Variants in FSTL4 observed in about 807,000 individuals in gnomAD.
FSTL4 encodes follistatin like 4, also known as follistatin-related protein 4.
Under a neutral mutation model 78.2 loss-of-function variants are expected in FSTL4, and 28 were observed. The observed-to-expected ratio is 0.36, with a 90% CI of 0.27 to 0.49. The LOEUF (loss-of-function observed/expected upper bound fraction) is 0.49. Among genes scored for constraint, FSTL4 ranks in the 20% least tolerant of loss-of-function variants. FSTL4 has a pLI of 0.98. For synonymous variants in FSTL4, 422 were observed against 440.5 expected (o/e 0.96, Z 0.53); for missense variants, 922 against 1,084.9 (o/e 0.85, Z 2.11).
At chr5:133,448,199 C>G (rs983135882) in intron 3 of FSTL4, among the ~76,000 whole-genome samples, 1 of 152,234 alleles carries the variant, frequency 6.6e-6, no homozygotes, top group Non-Finnish European at 1.5e-5. Flanking sequence ...TATGCTGCTT[C>G]CCTCCCCAGG....
At chr5:133,669,961 T>G in the FSTL4 span, among the ~76,000 whole-genome samples, 2 of 152,182 alleles carry the variant, frequency 1.3e-5, no homozygotes, top group African/African-American at 4.8e-5. Context: ...GGTCACTAGA[T>G]GCATGAGATG....
At chr5:133,615,088 G>A (rs548277693), upstream of FSTL4, among the ~76,000 whole-genome samples, 7 of 152,174 alleles carry the variant, frequency 4.6e-5, no homozygotes, top group Non-Finnish European at 8.8e-5. Flanking sequence ...ATGACACATA[G>A]CCATGGGAAT....
chr5:133,704,410 A>G, the FSTL4 span, among the ~76,000 whole-genome samples: 3 of 152,206 alleles, frequency 2.0e-5, no homozygotes, highest in African/African-American at 7.2e-5. Flanking sequence ...GTCTCCCTAC[A>G]GGCCAAGGCT....
chr5:133,779,084 C>CCTGCTAT, the FSTL4 span, among the ~76,000 whole-genome samples: 1 of 152,190 alleles, frequency 6.6e-6, no homozygotes, highest in African/African-American at 2.4e-5. Context: ...AACTCTTAGA[C>CCTGCTAT]CTGCTATGAC....
At chr5:133,723,494 G>A in the FSTL4 span, among the ~76,000 whole-genome samples, 1 of 152,152 alleles carries the variant, frequency 6.6e-6, no homozygotes, top group Non-Finnish European at 1.5e-5. Flanking sequence ...CCAGGTGCAG[G>A]AGCAGCAAGG....
intron 6 of FSTL4, among the ~76,000 whole-genome samples, chr5:133,299,207 T>A (rs936466217): frequency 2.6e-5 from 4 of 151,994 alleles, no homozygotes; most frequent in Non-Finnish European, 4.4e-5. Flanking sequence ...TTGGGCTGAG[T>A]CCGGCAAGAT....
intron 2 of FSTL4, among the ~76,000 whole-genome samples, chr5:133,602,365 T>C (rs1760888509): frequency 1.3e-5 from 2 of 152,156 alleles, no homozygotes; most frequent in Admixed American, 1.3e-4. Context: ...ACAGCTAAGA[T>C]AAAGAGGCCC....
chr5:133,666,958 TG>T, the FSTL4 span, among the ~76,000 whole-genome samples: 3 of 152,276 alleles, frequency 2.0e-5, no homozygotes, highest in Non-Finnish European at 4.4e-5. Context: ...ATCAAAATGA[TG>T]ATGATCCCCA....
intron 3 of FSTL4, among the ~76,000 whole-genome samples, chr5:133,424,979 A>G (rs1756779611): frequency 6.6e-6 from 1 of 152,194 alleles, no homozygotes; most frequent in South Asian, 2.1e-4. Flanking sequence ...ATCTGTAAAA[A>G]CAAAACAAAA....
At chr5:133,348,475 T>C (rs985905080) in intron 4 of FSTL4, among the ~76,000 whole-genome samples, 1 of 152,208 alleles carries the variant, frequency 6.6e-6, no homozygotes, top group Non-Finnish European at 1.5e-5. Context: ...CCCATTCTCC[T>C]GGGAGGAGCA....
In FSTL4 at chr5:133,338,632, C is replaced by T. The variant is rs897988318; in HGVS notation, c.410-21980G>A. ...ATCCTCTCTTGAGCTCCTGATGTCCCACCCCACTGTTGGCCTGACATTTCC... is the reference window on the plus strand; with the variant it reads ...ATCCTCTCTTGAGCTCCTGATGTCCTACCCCACTGTTGGCCTGACATTTCC... On this transcript the variant is annotated intron_variant, in intron 4 of 15. Transcript: ENST00000265342. This position sits in a 1 kb window ranked among gnomAD's most constrained non-coding sequence, Gnocchi z 4.0. Among the ~76,000 whole-genome samples, 2 of 152,066 alleles carry T rather than the reference C, an allele frequency of 1.3e-5. No individual in the cohort carries two copies. The highest frequency in any genetic ancestry group is 2.9e-5 in the Non-Finnish European group (2 of 68,008).
chr5:133,267,049 CTG>C (rs1297875280), intron 6 of FSTL4, among the ~76,000 whole-genome samples: 1 of 152,232 alleles, frequency 6.6e-6, no homozygotes, highest in African/African-American at 2.4e-5. Context: ...GGCTCCTGTG[CTG>C]TGTCTCCACA....
the FSTL4 span, among the ~76,000 whole-genome samples, chr5:133,625,473 C>T: frequency 1.3e-5 from 2 of 150,884 alleles, no homozygotes; most frequent in South Asian, 4.2e-4. Flanking sequence ...TGTTTAATTC[C>T]TGGTATTGGT....
At chr5:133,614,760 G>A (rs1248191667), upstream of FSTL4, among the ~76,000 whole-genome samples, 1 of 152,170 alleles carries the variant, frequency 6.6e-6, no homozygotes, top group Non-Finnish European at 1.5e-5. Context: ...TAATGGTTAA[G>A]TTTTGAACTT....
At chr5:133,554,341 G>A (rs540565350) in intron 3 of FSTL4, among the ~76,000 whole-genome samples, 220 of 152,280 alleles carry the variant, frequency 1.4e-3, no homozygotes, top group Middle Eastern at 3.4e-3. Flanking sequence ...CCTCTGCTGC[G>A]GGTAGCATGT....
At chr5:133,615,178 G>A (rs1761175984), upstream of FSTL4, among the ~76,000 whole-genome samples, 1 of 152,202 alleles carries the variant, frequency 6.6e-6, no homozygotes, top group Non-Finnish European at 1.5e-5. Context: ...ACCCTTGGGA[G>A]TCCCCACTAG....
chr5:133,365,992 C>T (rs1755174064), intron 4 of FSTL4, among the ~76,000 whole-genome samples: 1 of 152,166 alleles, frequency 6.6e-6, no homozygotes, highest in South Asian at 2.1e-4. Context: ...CTGCTTCTCC[C>T]AGTATTACCC....
intron 4 of FSTL4, among the ~76,000 whole-genome samples, chr5:133,393,641 CAG>C (rs1412624656): frequency 1.3e-5 from 2 of 152,242 alleles, no homozygotes; most frequent in Non-Finnish European, 2.9e-5. Flanking sequence ...AAGTGGAGGC[CAG>C]CTTCCAAGGC....
At chr5:133,758,396 G>A in the FSTL4 span, among the ~76,000 whole-genome samples, 1 of 152,090 alleles carries the variant, frequency 6.6e-6, no homozygotes, top group Non-Finnish European at 1.5e-5. Flanking sequence ...ATAAACATAA[G>A]GAAAGTGGGG....
Sources: allele counts gnomAD v4.1 joint callset (sites outside exome capture counted in the v4.1 genomes callset), GRCh38; gene constraint gnomAD v4.1.1; non-coding constraint Gnocchi (gnomAD v3.1); transcripts MANE v1.5; gene names NCBI Gene and HGNC (gene_info 2026-07-23, HGNC 2026-07-21).